PCDHGA7: variants seen among roughly 807,000 people sequenced by gnomAD.
PCDHGA7 encodes protocadherin gamma-A7.
Under a neutral mutation model 58.3 loss-of-function variants are expected in PCDHGA7, and 44 were observed. That is an observed-to-expected ratio of 0.75 (90% CI 0.59 to 0.97). PCDHGA7 has a LOEUF of 0.97. Among genes scored for constraint, PCDHGA7 ranks in the 50% least tolerant of loss-of-function variants. The pLI is 0.00. For missense variants in PCDHGA7, 1,266 were observed against 1,188.7 expected (o/e 1.06, Z -0.96); for synonymous variants, 516 against 504.2 (o/e 1.02, Z -0.31).
intron 1 of PCDHGA7, chr5:141,433,201 CTTCT>C (rs759014851): frequency 3.9e-5 from 61 of 1,573,466 alleles, no homozygotes; most frequent in Admixed American, 1.2e-4. Flanking sequence ...TATATCAAAT[CTTCT>C]TTCTTTTTTT....
chr5:141,389,211 G>T (rs2091646577), intron 1 of PCDHGA7: 1 of 1,613,940 alleles, frequency 6.2e-7, no homozygotes, highest in Admixed American at 1.7e-5. Context: ...CATTGGTGAT[G>T]TAAATGACAA....
rs1591337394 is a variant in PCDHGA7, at chr5:141,434,573, C to A, written c.2424+49250C>A. 2.0e-5 allele frequency among the ~76,000 whole-genome samples: 3 copies of A among 152,336 alleles called. No individual in the cohort carries two copies. The South Asian group carries it at 6.2e-4, about 32-fold the overall frequency. On this transcript the variant is annotated intron_variant, in intron 1 of 3. Transcript: ENST00000518325. The stretch of plus-strand genomic sequence containing the variant: ...TCTGTGCCTTAAGGACATGCCCCTG[C>A]TGCAGATAACTACCTCAATCCATCC...
At chr5:141,444,358 A>T (rs2098433774) in intron 1 of PCDHGA7, among the ~76,000 whole-genome samples, 1 of 151,436 alleles carries the variant, frequency 6.6e-6, no homozygotes, top group Non-Finnish European at 1.5e-5. Context: ...TTTAGTAGAG[A>T]CGGGGTTTCT....
intron 1 of PCDHGA7, chr5:141,442,535 A>C (rs2098331560): frequency 6.6e-6 from 1 of 152,240 alleles, no homozygotes; most frequent in Non-Finnish European, 1.5e-5. Flanking sequence ...CTCCAAGGTG[A>C]AAAATTCTTG....
At chr5:141,429,559 A>G (rs2097222911) in intron 1 of PCDHGA7, among the ~76,000 whole-genome samples, 2 of 152,146 alleles carry the variant, frequency 1.3e-5, no homozygotes, top group Admixed American at 6.5e-5. Context: ...TGATTTGATA[A>G]TATTCAGTTA....
chr5:141,413,371 C>T lies in PCDHGA7; in HGVS notation c.2424+28048C>T, dbSNP rs752898022. 3.7e-6 allele frequency: 6 copies of T among 1,613,966 alleles called. No individual in the cohort carries two copies. In the Admixed American group the frequency reaches 8.3e-5, roughly 22 times the overall value. On this transcript the variant is annotated intron_variant, in intron 1 of 3. Coordinates refer to ENST00000518325, the MANE Select transcript of PCDHGA7 (RefSeq NM_018920.4). ...TCTGGCGCCCCGGGAGCTGGCGGAG[C>T]GCGGAGTCCGCATAGTCTCCAGAGG...
intron 2 of PCDHGA7, among the ~76,000 whole-genome samples, chr5:141,496,856 G>A (rs1324235700): frequency 6.7e-6 from 1 of 150,206 alleles, no homozygotes; most frequent in African/African-American, 2.5e-5. Context: ...CAGACCAGCA[G>A]AGGAGACTGA....
At position 141,383,529 on chromosome 5, in the gene PCDHGA7, G is replaced by C. The variant is rs367939205; in HGVS notation, c.630G>C (p.Leu210=). Residue 210 remains leucine, a synonymous_variant, in exon 1 of 4, where the codon CTG becomes CTC. Coordinates refer to ENST00000518325, the MANE Select transcript of PCDHGA7 (RefSeq NM_018920.4). ...LDREEERVHH[L]VLTASDGGDP... is the part of the protein sequence containing the mutation. ...GGGAGGAAGAGCGGGTTCACCACCT[G>C]GTCCTCACAGCCTCTGATGGCGGCG... 39 of 1,612,356 alleles carry C rather than the reference G, an allele frequency of 2.4e-5. No homozygotes were observed. Among genetic ancestry groups the C allele is most frequent in the Non-Finnish European group, 3.1e-5 (36 of 1,179,350 alleles).
chr5:141,433,837 C>CAAA lies in PCDHGA7; in HGVS notation c.2424+48530_2424+48532dup, dbSNP rs56191208. The stretch of plus-strand genomic sequence containing the variant: ...GGGCAACAAGAGTGAAACTCTATCT[C>CAAA]AAAAAAAAAAAAAAAAAACTTTATC... On this transcript the variant is annotated intron_variant, in intron 1 of 3. Transcript: ENST00000518325. 4.3e-3 allele frequency among the ~76,000 whole-genome samples: 475 copies of CAAA among 111,672 alleles called. 6 individuals carry two copies. The highest frequency in any genetic ancestry group is 0.013 in the African/African-American group (431 of 32,292). The allele number at this position is 111,672 out of a possible 152,430, so 73.3% of individuals were successfully genotyped here.
In PCDHGA7 at chr5:141,491,354, C is replaced by T. The variant is rs2099710960; in HGVS notation, c.2425-3453C>T. The T allele has an allele frequency of 6.2e-7, 1 of 1,614,166 alleles. No homozygotes were observed. Among genetic ancestry groups the T allele is most frequent in the South Asian group, 1.1e-5 (1 of 91,088 alleles). On this transcript the variant is annotated intron_variant, in intron 1 of 3. Coordinates refer to ENST00000518325, the MANE Select transcript of PCDHGA7 (RefSeq NM_018920.4). This position sits in a 1 kb window ranked among gnomAD's most constrained non-coding sequence, Gnocchi z 6.9. ...GCTCTAGCGACCGTCAGTCTCTTAT[C>T]CCTAGTCACCTTCACCTTTCTGTCA...
At chr5:141,441,920 A>G (rs1276085080) in intron 1 of PCDHGA7, 8 of 352,988 alleles carry the variant, frequency 2.3e-5, no homozygotes, top group East Asian at 8.9e-5. Context: ...GTGAGACACA[A>G]TGCGTGGCTG....
chr5:141,452,133 A>C (rs2098734490), intron 1 of PCDHGA7, among the ~76,000 whole-genome samples: 1 of 152,136 alleles, frequency 6.6e-6, no homozygotes, highest in Admixed American at 6.5e-5. Flanking sequence ...TATATGGCTC[A>C]TGTGTTTTTT....
At chr5:141,435,214 A>G (rs1314928643) in intron 1 of PCDHGA7, among the ~76,000 whole-genome samples, 2 of 152,176 alleles carry the variant, frequency 1.3e-5, no homozygotes, top group South Asian at 2.1e-4. Context: ...AAGTGAATTT[A>G]CTTTCTTTCA....
intron 1 of PCDHGA7, among the ~76,000 whole-genome samples, chr5:141,480,106 A>C (rs1466691134): frequency 6.6e-6 from 1 of 152,196 alleles, no homozygotes; most frequent in Non-Finnish European, 1.5e-5. Context: ...AGTGTTTAGC[A>C]TGGTGCCTGG....
intron 1 of PCDHGA7, chr5:141,394,466 C>T (rs765078363): frequency 1.2e-6 from 2 of 1,614,222 alleles, no homozygotes; most frequent in Non-Finnish European, 8.5e-7. Flanking sequence ...TGAGCCTGTT[C>T]GTGCTGGACC....
chr5:141,421,885 G>T, intron 1 of PCDHGA7: 1 of 1,613,692 alleles, frequency 6.2e-7, no homozygotes, highest in Non-Finnish European at 8.5e-7. Context: ...AGATGGAGGC[G>T]ATCCCATCCG....
At chr5:141,463,438 CTTTTTTTTTTTTT>C (rs71576115) in intron 1 of PCDHGA7, among the ~76,000 whole-genome samples, 4 of 103,254 alleles carry the variant, frequency 3.9e-5, no homozygotes, top group South Asian at 3.2e-4. Flanking sequence ...TTTCCTTCTC[CTTTTTTTTTTTTT>C]TTTTTTTTTT....
In PCDHGA7 at chr5:141,432,212, G is replaced by T. The variant is rs2097468822; in HGVS notation, c.2424+46889G>T. 8 of 1,614,184 alleles carry T rather than the reference G, an allele frequency of 5.0e-6. No homozygotes were observed. In the East Asian group the frequency reaches 1.3e-4, roughly 27 times the overall value. ...CCACGACCCCGACTGTGAAGAGAAC[G>T]CCCAGATCACTTATTCCCTGGCTGA... On this transcript the variant is annotated intron_variant, in intron 1 of 3. Transcript: ENST00000518325. The surrounding 1 kb of genome is among the most constrained non-coding windows in gnomAD (Gnocchi z 6.0).
chr5:141,388,676 G>C, intron 1 of PCDHGA7: 1 of 1,613,946 alleles, frequency 6.2e-7, no homozygotes, highest in Non-Finnish European at 8.5e-7. Context: ...TGCTACAGGT[G>C]ACTGCCACGG....
Sources: allele counts gnomAD v4.1 joint callset (sites outside exome capture counted in the v4.1 genomes callset), GRCh38; gene constraint gnomAD v4.1.1; non-coding constraint Gnocchi (gnomAD v3.1); transcripts MANE v1.5; gene names NCBI Gene and HGNC (gene_info 2026-07-23, HGNC 2026-07-21).